Variants in PTPRN2 observed in about 807,000 individuals in gnomAD.
The protein encoded by PTPRN2 is protein tyrosine phosphatase receptor type N2.
A neutral mutation model predicts 118.8 loss-of-function variants in PTPRN2; 74 were observed. The ratio of observed to expected loss-of-function variants is 0.62; its 90% CI spans 0.52 to 0.76. PTPRN2 has a LOEUF of 0.76. PTPRN2 is among the 30% of genes least tolerant of loss of function. The probability of loss-of-function intolerance (pLI) is 0.00; values close to 1 mark genes in which losing one functional copy is unlikely to be tolerated. For missense variants in PTPRN2, 1,481 were observed against 1,394.4 expected (o/e 1.06, Z -0.99); for synonymous variants, 641 against 608.0 (o/e 1.05, Z -0.80).
chr7:158,560,991 C>T (rs2129450915), intron 1 of PTPRN2, among the ~76,000 whole-genome samples: 1 of 152,340 alleles, frequency 6.6e-6, no homozygotes. Context: ...CAATAAGGCC[C>T]ATTCACATGT....
intron 2 of PTPRN2, among the ~76,000 whole-genome samples, chr7:158,430,594 G>A (rs1816098980): frequency 6.6e-6 from 1 of 152,224 alleles, no homozygotes; most frequent in Admixed American, 6.5e-5. Context: ...AATTGACAGG[G>A]AACATTTGGT....
chr7:158,351,725 C>G (rs550246422), intron 2 of PTPRN2, among the ~76,000 whole-genome samples: 1 of 152,066 alleles, frequency 6.6e-6, no homozygotes, highest in Non-Finnish European at 1.5e-5. Context: ...CACGGCCCCA[C>G]GGGAGGAGCC....
At chr7:158,357,235 C>T (rs10258123) in intron 2 of PTPRN2, among the ~76,000 whole-genome samples, 8 of 152,242 alleles carry the variant, frequency 5.3e-5, no homozygotes, top group Non-Finnish European at 7.3e-5. Flanking sequence ...GGAGACAAAA[C>T]GACGCCCGGC....
rs1237662423 is a variant in PTPRN2, at chr7:157,785,189, A to AGCAGGATAACCCGGGCCCACGTG, written c.1789-102275_1789-102253dup. The stretch of plus-strand genomic sequence containing the variant: ...GCTCTCCACAGGGGCTCTGGCATGG[A>AGCAGGATAACCCGGGCCCACGTG]GCAGGATAACCCGGGCCCACGTGGG... On this transcript the variant is annotated intron_variant, in intron 12 of 22. Coordinates refer to ENST00000389418, the MANE Select transcript of PTPRN2 (RefSeq NM_002847.5). The surrounding 1 kb of genome is among the most constrained non-coding windows in gnomAD (Gnocchi z 7.3). 4.6e-4 allele frequency among the ~76,000 whole-genome samples: 69 copies of AGCAGGATAACCCGGGCCCACGTG among 151,202 alleles called. No individual in the cohort carries two copies. The highest frequency in any genetic ancestry group is 1.6e-3 in the African/African-American group (65 of 41,148).
chr7:157,683,760 C>T (rs1208003404), intron 12 of PTPRN2, among the ~76,000 whole-genome samples: 3 of 152,098 alleles, frequency 2.0e-5, no homozygotes, highest in Admixed American at 2.0e-4. Flanking sequence ...ACGGCTCTCC[C>T]CTCATTAACT....
chr7:158,355,698 C>T (rs533268622), intron 2 of PTPRN2, among the ~76,000 whole-genome samples: 14 of 152,338 alleles, frequency 9.2e-5, no homozygotes, highest in South Asian at 6.2e-4. Context: ...ACACTGGCTG[C>T]ATCCAAAACC....
intron 1 of PTPRN2, among the ~76,000 whole-genome samples, chr7:158,523,393 CGG>C (rs1563392221): frequency 1.5e-4 from 16 of 104,902 alleles, no homozygotes; most frequent in African/African-American, 5.4e-4. Flanking sequence ...TGCCCTGGAG[CGG>C]AGTCATCTGC....
At chr7:158,578,945 T>C (rs922167153) in intron 1 of PTPRN2, among the ~76,000 whole-genome samples, 5 of 152,188 alleles carry the variant, frequency 3.3e-5, no homozygotes, top group Non-Finnish European at 5.9e-5. Context: ...ATATTTTTAG[T>C]AGAGACGGGG....
intron 1 of PTPRN2, among the ~76,000 whole-genome samples, chr7:158,533,694 TC>T (rs912634336): frequency 1.3e-5 from 2 of 152,216 alleles, no homozygotes; most frequent in African/African-American, 4.8e-5. Context: ...CAATCTTCCA[TC>T]AATCGATGAA....
chr7:158,165,780 C>T (rs1161859131), intron 6 of PTPRN2, among the ~76,000 whole-genome samples: 1 of 152,218 alleles, frequency 6.6e-6, no homozygotes, highest in Non-Finnish European at 1.5e-5. Flanking sequence ...TGGGTCGGAA[C>T]CTTCTCCATA....
chr7:157,558,136 C>T (rs1044775939), intron 21 of PTPRN2, among the ~76,000 whole-genome samples: 3 of 141,354 alleles, frequency 2.1e-5, no homozygotes, highest in South Asian at 2.2e-4. Flanking sequence ...TCCACAATTC[C>T]GAGTCCTATC....
At chr7:158,243,958 C>T (rs1270516996) in intron 3 of PTPRN2, among the ~76,000 whole-genome samples, 1 of 152,198 alleles carries the variant, frequency 6.6e-6, no homozygotes, top group Non-Finnish European at 1.5e-5. Context: ...ATACTAAGTA[C>T]TTCCTAAGTC....
chr7:158,136,737 G>A, intron 7 of PTPRN2, 42 bp from the exon 8 acceptor site: 1 of 1,593,428 alleles, frequency 6.3e-7, no homozygotes, highest in Non-Finnish European at 8.6e-7. Flanking sequence ...CATCAAGAAT[G>A]TCATCACAGG....
intron 2 of PTPRN2, among the ~76,000 whole-genome samples, chr7:158,487,748 A>T (rs1414662146): frequency 6.6e-6 from 1 of 152,092 alleles, no homozygotes; most frequent in Non-Finnish European, 1.5e-5. Context: ...GGCAACCATA[A>T]ATCTGAGCCA....
Position 158,319,608 on chromosome 7 carries a change from C to A in PTPRN2, c.164-2676G>T, listed in dbSNP as rs1460972139. ...TCCCTCACACACGCACACAGCCTCC[C>A]TTGTACACACACAGCCTCCCTCACA... On this transcript the variant is annotated intron_variant, in intron 2 of 22. Coordinates refer to ENST00000389418, the MANE Select transcript of PTPRN2 (RefSeq NM_002847.5). Among the ~76,000 whole-genome samples, 2 of 106,484 alleles carry A rather than the reference C, an allele frequency of 1.9e-5. 1 individual carries two copies. The highest frequency in any genetic ancestry group is 3.9e-5 in the Non-Finnish European group (2 of 50,788). 69.9% of individuals were successfully genotyped at this position (106,484 alleles called of 152,430 possible).
chr7:157,763,753 CT>C lies in PTPRN2; in HGVS notation c.1789-80817del, dbSNP rs1299278030. Among the ~76,000 whole-genome samples, 4 of 152,058 alleles carry C rather than the reference CT, an allele frequency of 2.6e-5. No homozygotes were observed. The highest frequency in any genetic ancestry group is 5.9e-5 in the Non-Finnish European group (4 of 68,022). ...CAGTGCAGTCACTTGCTGGAGTCTCCTGAGGGCAGGAGAGCCCCGGCAGTGG... is the reference window on the plus strand; with the variant it reads ...CAGTGCAGTCACTTGCTGGAGTCTCCGAGGGCAGGAGAGCCCCGGCAGTGG... On this transcript the variant is annotated intron_variant, in intron 12 of 22. Transcript: ENST00000389418. The surrounding 1 kb of genome is among the most constrained non-coding windows in gnomAD (Gnocchi z 4.9).
At chr7:158,331,354 C>A (rs1351707215) in intron 2 of PTPRN2, among the ~76,000 whole-genome samples, 1 of 144,436 alleles carries the variant, frequency 6.9e-6, no homozygotes, top group African/African-American at 2.7e-5. Context: ...CATACTCTCA[C>A]CATAAGAGCT....
In PTPRN2 at chr7:158,220,814, A is replaced by G. The variant is rs1008125468; in HGVS notation, c.278-15541T>C. On this transcript the variant is annotated intron_variant, in intron 3 of 22. Transcript: ENST00000389418. ...AATTTACAGACTCAATGCTATTCCT[A>G]TCAAACCACCAGCATCATTTTTCAC... Among the ~76,000 whole-genome samples, 4 of 151,980 alleles carry G rather than the reference A, an allele frequency of 2.6e-5. No homozygotes were observed. In the South Asian group the frequency reaches 8.3e-4, roughly 32 times the overall value.
chr7:158,357,731 G>A (rs1035821252), intron 2 of PTPRN2, among the ~76,000 whole-genome samples: 2 of 152,254 alleles, frequency 1.3e-5, no homozygotes, highest in Non-Finnish European at 2.9e-5. Flanking sequence ...AGGTTCCAGG[G>A]ACCATTCCGG....
Sources: gnomAD v4.1 joint callset for allele counts (sites outside exome capture counted in the v4.1 genomes callset) on GRCh38, gnomAD v4.1.1 for gene constraint, Gnocchi (gnomAD v3.1) non-coding constraint, MANE v1.5 for transcripts, NCBI Gene and HGNC (gene_info 2026-07-23, HGNC 2026-07-21) for gene names.